CFAP299: variants seen among roughly 807,000 people sequenced by gnomAD.
CFAP299 encodes cilia- and flagella-associated protein 299.
CFAP299 carries 21 observed loss-of-function variants against 27.0 expected under a neutral mutation model. The ratio of observed to expected loss-of-function variants is 0.78; its 90% confidence interval spans 0.55 to 1.12. The LOEUF (loss-of-function observed/expected upper bound fraction) is 1.12, where lower values mean the gene tolerates loss of function less well. Among genes scored for constraint, CFAP299 ranks in the 50% most tolerant of loss-of-function variants. The pLI, the probability that CFAP299 is intolerant of heterozygous loss-of-function variation, is 0.00. For synonymous variants in CFAP299, 104 were observed against 98.1 expected (o/e 1.06, Z -0.36); for missense variants, 310 against 276.6 (o/e 1.12, Z -0.86).
At chr4:80,898,473 G>T (rs775837676) in intron 4 of CFAP299, among the ~76,000 whole-genome samples, 4 of 152,026 alleles carry the variant, frequency 2.6e-5, no homozygotes, top group Non-Finnish European at 4.4e-5. Context: ...CACTGGATGT[G>T]GGGGGTGGGA....
At chr4:80,721,541 T>C (rs1410151624) in intron 3 of CFAP299, among the ~76,000 whole-genome samples, 1 of 152,194 alleles carries the variant, frequency 6.6e-6, no homozygotes. Context: ...TTCATTTTAA[T>C]CTAATTACCT....
intron 2 of CFAP299, among the ~76,000 whole-genome samples, chr4:80,411,479 T>C (rs1353066514): frequency 6.9e-6 from 1 of 145,840 alleles, no homozygotes; most frequent in Non-Finnish European, 1.6e-5. Context: ...AACAATCTAA[T>C]TTTTTTATCA....
At chr4:80,883,219 G>C (rs1393041836) in intron 4 of CFAP299, among the ~76,000 whole-genome samples, 1 of 152,086 alleles carries the variant, frequency 6.6e-6, no homozygotes, top group Non-Finnish European at 1.5e-5. Context: ...CTTATCATGT[G>C]AAAATGGACT....
intron 3 of CFAP299, among the ~76,000 whole-genome samples, chr4:80,627,087 A>G (rs140885639): frequency 0.015 from 2,207 of 152,030 alleles, 45 homozygotes; most frequent in Admixed American, 0.059. Flanking sequence ...TATAAATGCA[A>G]AAATCCTCAA....
At chr4:80,545,058 A>C (rs1734161618) in intron 2 of CFAP299, among the ~76,000 whole-genome samples, 1 of 152,332 alleles carries the variant, frequency 6.6e-6, no homozygotes, top group East Asian at 1.9e-4. Context: ...TACCAAGAAG[A>C]TCTACCAAAA....
At chr4:80,562,810 A>G (rs1450700420) in intron 2 of CFAP299, among the ~76,000 whole-genome samples, 4 of 151,836 alleles carry the variant, frequency 2.6e-5, no homozygotes, top group Non-Finnish European at 5.9e-5. Context: ...AACGTACTTT[A>G]CCTGTAAAGA....
intron 3 of CFAP299, among the ~76,000 whole-genome samples, chr4:80,686,095 T>C (rs746588790): frequency 4.9e-4 from 74 of 152,140 alleles, no homozygotes; most frequent in Non-Finnish European, 7.6e-4. Context: ...ATAGCATACA[T>C]GTTGAAGATT....
intron 2 of CFAP299, among the ~76,000 whole-genome samples, chr4:80,392,466 T>C (rs6826195): frequency 0.93 from 142,028 of 152,182 alleles, 66,965 homozygotes; most frequent in East Asian, 1. Context: ...TTGTGCAAGG[T>C]GATTACATCA....
chr4:80,824,381 A>G (rs1043360714), intron 3 of CFAP299, among the ~76,000 whole-genome samples: 1 of 152,118 alleles, frequency 6.6e-6, no homozygotes, highest in African/African-American at 2.4e-5. Context: ...GTGGGCAAAA[A>G]GAACCTTGTT....
chr4:80,385,675 C>T (rs1362555971), intron 2 of CFAP299, among the ~76,000 whole-genome samples: 1 of 152,226 alleles, frequency 6.6e-6, no homozygotes, highest in Non-Finnish European at 1.5e-5. Context: ...CCAGCCGTGA[C>T]AGTTGAGTGC....
chr4:80,841,020 C>T (rs953520591), intron 3 of CFAP299, among the ~76,000 whole-genome samples: 4 of 151,956 alleles, frequency 2.6e-5, no homozygotes, highest in African/African-American at 9.7e-5. Context: ...CCACTCAGGA[C>T]AACTAAATAT....
intron 3 of CFAP299, among the ~76,000 whole-genome samples, chr4:80,675,392 G>T (rs1467641089): frequency 6.6e-6 from 1 of 152,180 alleles, no homozygotes; most frequent in African/African-American, 2.4e-5. Flanking sequence ...AGCAAATATT[G>T]CTGCCAGATC....
intron 2 of CFAP299, among the ~76,000 whole-genome samples, chr4:80,374,927 C>T (rs1016538095): frequency 2.0e-5 from 3 of 151,848 alleles, no homozygotes; most frequent in South Asian, 4.1e-4. Flanking sequence ...GACTTAACTG[C>T]GGGGATGTGG....
chr4:80,665,363 C>A (rs767187370), intron 3 of CFAP299, among the ~76,000 whole-genome samples: 1 of 152,134 alleles, frequency 6.6e-6, no homozygotes, highest in South Asian at 2.1e-4. Context: ...TAGTCATTTG[C>A]TCTTGTCAAA....
At chr4:80,633,423 C>T (rs1393572777) in intron 3 of CFAP299, among the ~76,000 whole-genome samples, 4 of 152,048 alleles carry the variant, frequency 2.6e-5, no homozygotes, top group Non-Finnish European at 5.9e-5. Context: ...CACTGCAATC[C>T]AGCCTGGGTG....
chr4:80,778,722 A>C (rs1308233819), intron 3 of CFAP299, among the ~76,000 whole-genome samples: 1 of 152,062 alleles, frequency 6.6e-6, no homozygotes, highest in Non-Finnish European at 1.5e-5. Flanking sequence ...ACATCTTTTA[A>C]AAACTAAACT....
At chr4:80,593,962 T>C (rs1442187021) in intron 3 of CFAP299, among the ~76,000 whole-genome samples, 1 of 152,132 alleles carries the variant, frequency 6.6e-6, no homozygotes, top group Non-Finnish European at 1.5e-5. Context: ...CCAAAAGTTG[T>C]TTTTTAGTTG....
intron 3 of CFAP299, among the ~76,000 whole-genome samples, chr4:80,837,510 C>T (rs562171456): frequency 2.0e-5 from 3 of 152,254 alleles, no homozygotes; most frequent in African/African-American, 7.2e-5. Context: ...TGTTCAACTC[C>T]CACTTACCAG....
intron 2 of CFAP299, among the ~76,000 whole-genome samples, chr4:80,367,765 G>GT (rs1723918039): frequency 6.6e-6 from 1 of 152,200 alleles, no homozygotes; most frequent in South Asian, 2.1e-4. Flanking sequence ...AGGGATGGGA[G>GT]TAATTTAGCT....
Sources: allele counts gnomAD v4.1 joint callset (sites outside exome capture counted in the v4.1 genomes callset), GRCh38; gene constraint gnomAD v4.1.1; transcripts MANE v1.5; gene names NCBI Gene and HGNC (gene_info 2026-07-23, HGNC 2026-07-21).